Variants in PTPN9 observed in about 807,000 individuals in gnomAD.
PTPN9 encodes tyrosine-protein phosphatase non-receptor type 9.
Under a neutral mutation model 69.8 loss-of-function variants are expected in PTPN9, and 26 were observed. The ratio of observed to expected loss-of-function variants is 0.37; its 90% CI spans 0.27 to 0.52. The LOEUF is 0.52. Among genes scored for constraint, PTPN9 ranks in the 20% least tolerant of loss-of-function variants. The pLI is 0.91. For synonymous variants in PTPN9, 274 were observed against 272.5 expected (o/e 1.01, Z -0.05); for missense variants, 549 against 740.3 (o/e 0.74, Z 3.00).
intron 7 of PTPN9, among the ~76,000 whole-genome samples, chr15:75,493,456 G>A (rs994295111): frequency 3.3e-5 from 5 of 151,908 alleles, no homozygotes; most frequent in Non-Finnish European, 7.4e-5. Flanking sequence ...AACAAAAAAA[G>A]TGATGAAAAT....
chr15:75,493,998 C>T (rs1341585862), intron 7 of PTPN9, among the ~76,000 whole-genome samples: 1 of 151,852 alleles, frequency 6.6e-6, no homozygotes, highest in Non-Finnish European at 1.5e-5. Flanking sequence ...TTTATTGGAA[C>T]ATAGTCAAGC....
At chr15:75,529,662 C>A (rs1264986842) in intron 1 of PTPN9, among the ~76,000 whole-genome samples, 1 of 152,184 alleles carries the variant, frequency 6.6e-6, no homozygotes, top group Non-Finnish European at 1.5e-5. Context: ...ATAATCCCAG[C>A]ACTTTGGGAA....
At chr15:75,514,893 G>A (rs2074861752) in intron 5 of PTPN9, among the ~76,000 whole-genome samples, 1 of 152,150 alleles carries the variant, frequency 6.6e-6, no homozygotes, top group Non-Finnish European at 1.5e-5. Context: ...TAAGAAGTCT[G>A]ACATTAGTAA....
chr15:75,530,562 T>A (rs1233070648), intron 1 of PTPN9, among the ~76,000 whole-genome samples: 3 of 71,368 alleles, frequency 4.2e-5, no homozygotes, highest in Admixed American at 2.4e-4. Flanking sequence ...ATATTATATA[T>A]TATTATATTA....
chr15:75,513,218 G>A (rs1433593882), intron 5 of PTPN9: 1 of 452,304 alleles, frequency 2.2e-6, no homozygotes, highest in Non-Finnish European at 4.4e-6. Flanking sequence ...TTATCATTTT[G>A]TGGAAATAAC....
At chr15:75,530,484 ATAT>A (rs1183626071) in intron 1 of PTPN9, among the ~76,000 whole-genome samples, 116 of 94,378 alleles carry the variant, frequency 1.2e-3, no homozygotes, top group African/African-American at 3.8e-3. Context: ...ATAAAAATAT[ATAT>A]TATAATATAT....
At chr15:75,545,619 A>G (rs2075028853) in intron 1 of PTPN9, among the ~76,000 whole-genome samples, 1 of 152,198 alleles carries the variant, frequency 6.6e-6, no homozygotes, top group Admixed American at 6.6e-5. Flanking sequence ...GACATCTATA[A>G]TAGGATATAC....
At chr15:75,486,783 T>G (rs981153291) in intron 8 of PTPN9, among the ~76,000 whole-genome samples, 4 of 72,040 alleles carry the variant, frequency 5.6e-5, no homozygotes, top group African/African-American at 2.1e-4. Context: ...TATGTGGTGT[T>G]TTTTTTTTTT....
intron 7 of PTPN9, among the ~76,000 whole-genome samples, chr15:75,504,784 G>T (rs1398482085): frequency 7.2e-6 from 1 of 139,768 alleles, no homozygotes; most frequent in Non-Finnish European, 1.5e-5. Flanking sequence ...CAGCCGCCCC[G>T]TCCGGGAGGG....
intron 8 of PTPN9, among the ~76,000 whole-genome samples, chr15:75,482,497 G>A (rs1452078424): frequency 1.3e-5 from 2 of 149,928 alleles, no homozygotes; most frequent in African/African-American, 2.5e-5. Context: ...CCCGGGAGGC[G>A]GAGCTTGCAG....
intron 1 of PTPN9, among the ~76,000 whole-genome samples, chr15:75,528,508 G>A (rs1361062180): frequency 1.3e-5 from 2 of 151,764 alleles, no homozygotes; most frequent in Non-Finnish European, 2.9e-5. Flanking sequence ...TCAGCCTCTC[G>A]AGTAGCTGGG....
In PTPN9 at chr15:75,480,770, G is replaced by A. The variant is rs539674306; in HGVS notation, c.1063-856C>T. 67 of 1,167,204 alleles carry A rather than the reference G, an allele frequency of 5.7e-5. No individual in the cohort carries two copies. The East Asian group carries it at 2.0e-3, about 34-fold the overall frequency. 72.3% of individuals were successfully genotyped at this position (1,167,204 alleles called of 1,614,324 possible). Reference sequence around the variant, plus strand: ...TCTCAGTCTTTGCCGCCGCGCCGGCGAGCGCCGCCCGCGAGGCAGCGGCTG... The same window carrying A: ...TCTCAGTCTTTGCCGCCGCGCCGGCAAGCGCCGCCCGCGAGGCAGCGGCTG... On this transcript the variant is annotated intron_variant, in intron 8 of 12. Transcript: ENST00000618819.
intron 8 of PTPN9, among the ~76,000 whole-genome samples, chr15:75,485,086 C>A (rs1353936708): frequency 6.6e-6 from 1 of 152,140 alleles, no homozygotes; most frequent in Non-Finnish European, 1.5e-5. Context: ...CTGACTCAGA[C>A]AACTTCACTG....
chr15:75,549,981 C>T (rs893294271), intron 1 of PTPN9, among the ~76,000 whole-genome samples: 2 of 151,254 alleles, frequency 1.3e-5, no homozygotes, highest in African/African-American at 2.4e-5. Context: ...TCTACCCCCA[C>T]CCCCACCAAA....
chr15:75,482,121 T>G (rs1219480687), intron 8 of PTPN9, among the ~76,000 whole-genome samples: 340 of 151,502 alleles, frequency 2.2e-3, no homozygotes, highest in African/African-American at 7.8e-3. Context: ...TAAGAAAAAT[T>G]CCTCTGCCTT....
chr15:75,483,062 A>G (rs2074653276), intron 8 of PTPN9, among the ~76,000 whole-genome samples: 1 of 152,258 alleles, frequency 6.6e-6, no homozygotes, highest in Admixed American at 6.5e-5. Context: ...AAAGATAGAT[A>G]ATACTGTTGG....
chr15:75,493,519 G>T (rs1327447112), intron 7 of PTPN9, among the ~76,000 whole-genome samples: 1 of 152,134 alleles, frequency 6.6e-6, no homozygotes, highest in Admixed American at 6.6e-5. Flanking sequence ...CCAGCACTTT[G>T]GGAGGCTGGG....
chr15:75,555,735 C>T (rs996737340), intron 1 of PTPN9, among the ~76,000 whole-genome samples: 1 of 151,800 alleles, frequency 6.6e-6, no homozygotes, highest in African/African-American at 2.4e-5. Flanking sequence ...GAACTACTGG[C>T]CTCAAGTAAT....
chr15:75,468,791 A>G lies in PTPN9; in HGVS notation c.1760T>C (p.Leu587Pro). ...GAGTTACTGACTCTCCACGGCCAGCAGGTTTTGGCCAGAGGATACCATGCC... is the reference window on the plus strand; with the variant it reads ...GAGTTACTGACTCTCCACGGCCAGCGGGTTTTGGCCAGAGGATACCATGCC... ...KEGMVSSGQNLLAVESQ is the reference protein window; with the variant it reads ...KEGMVSSGQNPLAVESQ The change falls in exon 13 of 13, where the codon CTG becomes CCG. Residue 587 changes from leucine to proline, a missense_variant. Leu to Pro is a moderately conservative substitution (Grantham distance 98). Coordinates refer to ENST00000618819, the MANE Select transcript of PTPN9 (RefSeq NM_002833.4). The G allele has an allele frequency of 6.2e-7, 1 of 1,614,040 alleles. No homozygotes were observed. The highest frequency in any genetic ancestry group is 8.5e-7 in the Non-Finnish European group (1 of 1,179,982).
Sources: allele counts gnomAD v4.1 joint callset (sites outside exome capture counted in the v4.1 genomes callset), GRCh38; gene constraint gnomAD v4.1.1; transcripts MANE v1.5; gene names NCBI Gene and HGNC (gene_info 2026-07-23, HGNC 2026-07-21).